The following SCUBE1 variants were observed in gnomAD, a reference collection of about 807,000 sequenced individuals.
The protein encoded by SCUBE1 is signal peptide, CUB and EGF-like domain-containing protein 1.
Under a neutral mutation model 124.4 loss-of-function variants are expected in SCUBE1, and 59 were observed. The ratio of observed to expected loss-of-function variants is 0.47; its 90% CI spans 0.38 to 0.59. SCUBE1 has a LOEUF of 0.59. Among genes scored for constraint, SCUBE1 ranks in the 20% least tolerant of loss-of-function variants. The pLI, the probability that SCUBE1 is intolerant of heterozygous loss-of-function variation, is 0.00. For missense variants in SCUBE1, 1,150 were observed against 1,371.2 expected (o/e 0.84, Z 2.55); for synonymous variants, 545 against 550.9 (o/e 0.99, Z 0.15).
rs1923729515 is a variant in SCUBE1 at position 43,258,062 on chromosome 22, C to A, written c.727+157G>T. Among the ~76,000 whole-genome samples the A allele has an allele frequency of 1.3e-5, 2 of 152,170 alleles. No homozygotes were observed. Among genetic ancestry groups the A allele is most frequent in the South Asian group, 4.1e-4 (2 of 4,834 alleles). Reference sequence around the variant, plus strand: ...CAGAAAGCCTCCCCAGGGGCGCCGGCCATCCCCGCCATTGCCATGGGCTTG... The same window carrying A: ...CAGAAAGCCTCCCCAGGGGCGCCGGACATCCCCGCCATTGCCATGGGCTTG... On this transcript the variant is annotated intron_variant, in intron 6 of 21. Transcript: ENST00000360835. The surrounding 1 kb of genome is among the most constrained non-coding windows in gnomAD (Gnocchi z 5.0).
chr22:43,324,268 A>T (rs1156749993), intron 2 of SCUBE1, among the ~76,000 whole-genome samples: 1 of 152,248 alleles, frequency 6.6e-6, no homozygotes, highest in Non-Finnish European at 1.5e-5. Flanking sequence ...AGTCAATAAA[A>T]CAACTCTAGC....
At position 43,211,156 on chromosome 22, in the gene SCUBE1, C is replaced by T. The variant is rs1221975818; in HGVS notation, c.2222-73G>A. On this transcript the variant is annotated intron_variant, in intron 17 of 21. Coordinates refer to ENST00000360835, the MANE Select transcript of SCUBE1 (RefSeq NM_173050.5). The surrounding 1 kb of genome is among the most constrained non-coding windows in gnomAD (Gnocchi z 4.5). ...AAAGGGCAGCACTGGGGTGCTGTCC[C>T]CAGGACCTCTCATGCCCTCGAGGTC... 1.4e-6 allele frequency: 2 copies of T among 1,465,086 alleles called. No homozygotes were observed. Among genetic ancestry groups the T allele is most frequent in the Non-Finnish European group, 1.9e-6 (2 of 1,072,626 alleles). The allele number at this position is 1,465,086 out of a possible 1,614,324, so 90.8% of individuals were successfully genotyped here. A position where few individuals can be genotyped will look rare whatever the true frequency, so the allele number is the denominator to read the frequency against.
intron 6 of SCUBE1, among the ~76,000 whole-genome samples, chr22:43,250,749 T>C (rs961584374): frequency 6.6e-6 from 1 of 152,162 alleles, no homozygotes; most frequent in Non-Finnish European, 1.5e-5. Context: ...CGACTCAGAT[T>C]GGGGTCCCTA....
In SCUBE1 at chr22:43,210,826, G is replaced by A. The variant is rs1921515213; in HGVS notation, c.2383+96C>T. ...GGAGCGGGAGGAGTCCAGTGTCCTCGTGGAGCTCGTGTGAGATCAGGTCTC... is the reference window on the plus strand; with the variant it reads ...GGAGCGGGAGGAGTCCAGTGTCCTCATGGAGCTCGTGTGAGATCAGGTCTC... On this transcript the variant is annotated intron_variant, in intron 18 of 21. Transcript: ENST00000360835. The surrounding 1 kb of genome is among the most constrained non-coding windows in gnomAD (Gnocchi z 4.5). 6 of 1,425,748 alleles carry A rather than the reference G, an allele frequency of 4.2e-6. No homozygotes were observed. The East Asian group carries it at 6.9e-5, about 16-fold the overall frequency. The allele number at this position is 1,425,748 out of a possible 1,614,324, so 88.3% of individuals were successfully genotyped here. A position where few individuals can be genotyped will look rare whatever the true frequency, so the allele number is the denominator to read the frequency against.
In SCUBE1 at chr22:43,197,502, C is replaced by T. The variant is rs1273519249; in HGVS notation, c.*6495G>A. On this transcript the variant is annotated 3_prime_UTR_variant, in exon 22 of 22. Transcript: ENST00000360835. Reference sequence around the variant, plus strand: ...AAGTGAAGTCTGCGGGCCGCTAGCACAGCGCCCTGGTGTCCTGTTCCCCGA... The same window carrying T: ...AAGTGAAGTCTGCGGGCCGCTAGCATAGCGCCCTGGTGTCCTGTTCCCCGA... 1 of 152,274 alleles carries T rather than the reference C, an allele frequency of 6.6e-6. No individual in the cohort carries two copies. 9.4% of individuals were successfully genotyped at this position (152,274 alleles called of 1,614,324 possible).
At chr22:43,331,186 T>A (rs188036475) in intron 2 of SCUBE1, among the ~76,000 whole-genome samples, 1 of 152,346 alleles carries the variant, frequency 6.6e-6, no homozygotes, top group African/African-American at 2.4e-5. Flanking sequence ...ACATGCTCTG[T>A]AATCTACCTA....
chr22:43,260,445 G>C (rs956203269), intron 5 of SCUBE1, among the ~76,000 whole-genome samples: 3 of 152,248 alleles, frequency 2.0e-5, no homozygotes, highest in African/African-American at 4.8e-5. Flanking sequence ...ACGGATGACA[G>C]CTTGGTTCAG....
At chr22:43,310,780 C>G (rs1926143131) in intron 3 of SCUBE1, among the ~76,000 whole-genome samples, 1 of 152,148 alleles carries the variant, frequency 6.6e-6, no homozygotes, top group African/African-American at 2.4e-5. Context: ...TTTTTAAAAA[C>G]TTTTTTTAGT....
At chr22:43,205,314 C>A (rs1054933345) in intron 21 of SCUBE1, among the ~76,000 whole-genome samples, 54 of 152,062 alleles carry the variant, frequency 3.6e-4, no homozygotes, top group African/African-American at 1.3e-3. Flanking sequence ...CAGTCCCCGC[C>A]CTCTCTGAGC....
intron 4 of SCUBE1, chr22:43,272,499 G>T (rs1289467089): frequency 2.6e-5 from 4 of 152,252 alleles, no homozygotes. Context: ...TCAACTGCTT[G>T]TGTGCTTACG....
intron 15 of SCUBE1, among the ~76,000 whole-genome samples, chr22:43,217,730 C>G (rs1011227494): frequency 2.0e-5 from 3 of 152,176 alleles, no homozygotes; most frequent in African/African-American, 7.2e-5. Flanking sequence ...CTGGTTCTGC[C>G]TGTCCTGCGT....
intron 4 of SCUBE1, among the ~76,000 whole-genome samples, chr22:43,268,003 G>C (rs1416314230): frequency 6.6e-6 from 1 of 152,210 alleles, no homozygotes; most frequent in African/African-American, 2.4e-5. Context: ...GGACTCTGTG[G>C]GTCTGTGACT....
chr22:43,226,296 G>A (rs957951982), intron 10 of SCUBE1, among the ~76,000 whole-genome samples: 2 of 152,194 alleles, frequency 1.3e-5, no homozygotes, highest in Non-Finnish European at 2.9e-5. Flanking sequence ...GTGATGGGAG[G>A]GAAAGCAAGC....
intron 3 of SCUBE1, chr22:43,318,118 T>C (rs1926414345): frequency 1.3e-5 from 2 of 152,242 alleles, no homozygotes; most frequent in African/African-American, 4.8e-5. Context: ...CCCTAGTTTG[T>C]TACTTTGTCA....
At chr22:43,206,246 A>G (rs775323157) in intron 21 of SCUBE1, among the ~76,000 whole-genome samples, 1 of 138,010 alleles carries the variant, frequency 7.2e-6, no homozygotes, top group Non-Finnish European at 1.6e-5. Context: ...CCCAGCACAC[A>G]CACCCCTACA....
At chr22:43,269,118 C>G (rs1036349937) in intron 4 of SCUBE1, among the ~76,000 whole-genome samples, 1 of 152,144 alleles carries the variant, frequency 6.6e-6, no homozygotes, top group African/African-American at 2.4e-5. Context: ...TCCAGGCAAG[C>G]AGACGGAGGT....
intron 12 of SCUBE1, 48 bp from the exon 13 acceptor site, chr22:43,221,337 A>C: frequency 1.2e-5 from 10 of 806,384 alleles, no homozygotes; most frequent in East Asian, 4.1e-5. Context: ...CCTGCAGGCA[A>C]GGAGGTGGTG....
chr22:43,214,047 G>GGGCCCCCCCCCCCC, intron 16 of SCUBE1, 43 bp downstream of exon 16: 2 of 143,438 alleles, frequency 1.4e-5, no homozygotes, highest in East Asian at 2.8e-4. Context: ...AGGAGCCCCC[G>GGGCCCCCCCCCCCC]CCCACCCCCC....
intron 12 of SCUBE1, 76 bp downstream of exon 12, chr22:43,222,562 C>T: frequency 3.4e-6 from 4 of 1,174,418 alleles, no homozygotes; most frequent in Non-Finnish European, 4.9e-6. Context: ...GGTGCCCTTT[C>T]CTCCCCCGCC....
Sources: gnomAD v4.1 joint callset for allele counts (sites outside exome capture counted in the v4.1 genomes callset) on GRCh38, gnomAD v4.1.1 for gene constraint, Gnocchi (gnomAD v3.1) non-coding constraint, MANE v1.5 for transcripts, NCBI Gene and HGNC (gene_info 2026-07-23, HGNC 2026-07-21) for gene names.